GRK3: variants seen among roughly 807,000 people sequenced by gnomAD.
GRK3 encodes the protein adrenergic, beta, receptor kinase 2.
GRK3 carries 54 observed loss-of-function variants against 95.7 expected under a neutral mutation model. The ratio of observed to expected loss-of-function variants is 0.56; its 90% CI spans 0.45 to 0.71. The LOEUF (loss-of-function observed/expected upper bound fraction) is 0.71, where lower values mean the gene tolerates loss of function less well. GRK3 is among the 30% of genes least tolerant of loss of function. GRK3 has a pLI of 0.00. For synonymous variants in GRK3, 281 were observed against 290.8 expected, an observed-to-expected ratio of 0.97 and a Z score of 0.34; for missense variants, 649 against 851.2, an observed-to-expected ratio of 0.76 and a Z score of 2.96.
At chr22:25,658,770 G>T (rs2084890351) in intron 3 of GRK3, among the ~76,000 whole-genome samples, 1 of 152,104 alleles carries the variant, frequency 6.6e-6, no homozygotes, top group Admixed American at 6.6e-5. Context: ...TGGTGGCAGG[G>T]GCGTGGCGAA....
chr22:25,566,932 A>C (rs1931513137), intron 1 of GRK3, among the ~76,000 whole-genome samples: 1 of 151,828 alleles, frequency 6.6e-6, no homozygotes, highest in East Asian at 1.9e-4. Context: ...TATAATATTA[A>C]TAAAGTTAGG....
Position 25,690,292 on chromosome 22 carries a change from T to A in GRK3, c.1052+9T>A, listed in dbSNP as rs1269695802. On this transcript the variant is annotated intron_variant, in intron 12 of 20. Transcript: ENST00000324198. ...AAGCCTCATGCGAGTGTGTAAGTAGTGCGTCAACTTCAGTTCACCACCATT... is the reference window on the plus strand; with the variant it reads ...AAGCCTCATGCGAGTGTGTAAGTAGAGCGTCAACTTCAGTTCACCACCATT... The A allele has an allele frequency of 6.2e-7, 1 of 1,601,874 alleles. No homozygotes were observed. The highest frequency in any genetic ancestry group is 1.1e-5 in the South Asian group (1 of 90,700).
rs541029508 is a variant in GRK3, at chr22:25,705,854, C to T, written c.1328+1645C>T. Among the ~76,000 whole-genome samples the T allele has an allele frequency of 1.1e-4, 16 of 152,262 alleles. No homozygotes were observed. In the East Asian group the frequency reaches 3.1e-3, roughly 29 times the overall value. ...AGAATTCTAAGGAAGTAATAATTTTCCCCCAGAGCTTTGAAACTCTTACTT... is the reference window on the plus strand; with the variant it reads ...AGAATTCTAAGGAAGTAATAATTTTTCCCCAGAGCTTTGAAACTCTTACTT... On this transcript the variant is annotated intron_variant, in intron 15 of 20. Transcript: ENST00000324198.
intron 3 of GRK3, among the ~76,000 whole-genome samples, chr22:25,653,838 G>A (rs1323733114): frequency 2.0e-5 from 3 of 152,082 alleles, no homozygotes; most frequent in Admixed American, 1.3e-4. Context: ...ACAGGCACCC[G>A]CCACCACGCT....
chr22:25,657,413 G>T (rs905480813), intron 3 of GRK3, among the ~76,000 whole-genome samples: 3 of 152,112 alleles, frequency 2.0e-5, no homozygotes, highest in African/African-American at 7.2e-5. Flanking sequence ...CTTTCCATAT[G>T]AAATGTGTCT....
chr22:25,681,484 G>T (rs1435919393), intron 9 of GRK3, among the ~76,000 whole-genome samples: 3 of 152,000 alleles, frequency 2.0e-5, no homozygotes, highest in Admixed American at 6.6e-5. Context: ...CAGATGAGGG[G>T]CCAGGGTCTG....
rs2084767020 is a variant in GRK3 at position 25,644,516 on chromosome 22, T to G, written c.191-76T>G. 5 of 676,484 alleles carry G rather than the reference T, an allele frequency of 7.4e-6. No individual in the cohort carries two copies. The South Asian group carries it at 9.8e-5, about 13-fold the overall frequency. The allele number at this position is 676,484 out of a possible 1,614,324, so 41.9% of individuals were successfully genotyped here. ...AGGAAGAGGTTGAGGTATAAACACATTGCTTTGAAAACACCCTTGTGGGAT... is the reference window on the plus strand; with the variant it reads ...AGGAAGAGGTTGAGGTATAAACACAGTGCTTTGAAAACACCCTTGTGGGAT... On this transcript the variant is annotated intron_variant, in intron 2 of 20. Transcript: ENST00000324198.
chr22:25,712,543 A>G (rs1232101270), intron 17 of GRK3, among the ~76,000 whole-genome samples: 1 of 152,226 alleles, frequency 6.6e-6, no homozygotes, highest in Non-Finnish European at 1.5e-5. Flanking sequence ...AACATTTTTT[A>G]ATGTTAAAAA....
At chr22:25,674,579 T>C (rs2042821817) in intron 8 of GRK3, 51 bp downstream of exon 8, 1 of 1,326,422 alleles carries the variant, frequency 7.5e-7, no homozygotes, top group South Asian at 1.2e-5. Flanking sequence ...AATTTTAATA[T>C]TTGCATGAAA....
At chr22:25,676,668 G>A (rs1258593589) in intron 8 of GRK3, among the ~76,000 whole-genome samples, 2 of 149,488 alleles carry the variant, frequency 1.3e-5, no homozygotes, top group African/African-American at 2.5e-5. Flanking sequence ...TTCAGCCTGA[G>A]TGACAGAGCG....
chr22:25,565,029 A>C lies in GRK3; in HGVS notation c.-12A>C, dbSNP rs1421969427. On this transcript the variant is annotated 5_prime_UTR_variant, in exon 1 of 21. Coordinates refer to ENST00000324198, the MANE Select transcript of GRK3 (RefSeq NM_005160.4). The stretch of plus-strand genomic sequence containing the variant: ...GGAGTAACCGCCGCCGCCGCCGCCA[A>C]AGCTCGCCAACATGGCGGACCTGGA... 3 of 1,402,120 alleles carry C rather than the reference A, an allele frequency of 2.1e-6. No individual in the cohort carries two copies. Among genetic ancestry groups the C allele is most frequent in the Admixed American group, 2.5e-5 (1 of 40,502 alleles). The allele number at this position is 1,402,120 out of a possible 1,614,324, so 86.9% of individuals were successfully genotyped here. A position where few individuals can be genotyped will look rare whatever the true frequency, so the allele number is the denominator to read the frequency against.
chr22:25,658,946 C>A (rs2084891723), intron 3 of GRK3, among the ~76,000 whole-genome samples: 2 of 152,104 alleles, frequency 1.3e-5, no homozygotes, highest in South Asian at 4.2e-4. Context: ...GAGATGCTTT[C>A]TAGATATTCA....
At chr22:25,679,698 G>C (rs1204567070) in intron 9 of GRK3, among the ~76,000 whole-genome samples, 1 of 152,174 alleles carries the variant, frequency 6.6e-6, no homozygotes, top group Non-Finnish European at 1.5e-5. Context: ...GTATGGCTGT[G>C]ACCTGGTGTT....
chr22:25,639,765 A>C (rs1458312396), intron 2 of GRK3, among the ~76,000 whole-genome samples: 3 of 152,216 alleles, frequency 2.0e-5, no homozygotes, highest in African/African-American at 7.2e-5. Flanking sequence ...AAGAATTAAC[A>C]TCTAAGCAAT....
At chr22:25,702,387 A>G (rs890612813) in intron 13 of GRK3, among the ~76,000 whole-genome samples, 1 of 152,182 alleles carries the variant, frequency 6.6e-6, no homozygotes, top group African/African-American at 2.4e-5. Flanking sequence ...AATCCATTTT[A>G]TGGAGTTAAT....
At chr22:25,648,539 G>T (rs2146387486) in intron 3 of GRK3, 2 of 1,451,004 alleles carry the variant, frequency 1.4e-6, no homozygotes, top group East Asian at 2.3e-5. Flanking sequence ...CAGGTACAAT[G>T]ATGCCAGAAG....
chr22:25,612,081 C>T (rs1375931106), intron 2 of GRK3, among the ~76,000 whole-genome samples: 1 of 152,112 alleles, frequency 6.6e-6, no homozygotes, highest in African/African-American at 2.4e-5. Flanking sequence ...AATCCACCCG[C>T]CTCGGCCTCC....
chr22:25,669,536 T>G (rs886925487), intron 6 of GRK3, among the ~76,000 whole-genome samples: 1 of 152,220 alleles, frequency 6.6e-6, no homozygotes, highest in African/African-American at 2.4e-5. Flanking sequence ...CAAGATCCTT[T>G]GAAGTCATTT....
At chr22:25,651,305 T>G (rs1320975303) in intron 3 of GRK3, among the ~76,000 whole-genome samples, 2 of 152,206 alleles carry the variant, frequency 1.3e-5, no homozygotes, top group Non-Finnish European at 2.9e-5. Context: ...TATACTAGGT[T>G]CCTCTATTTT....
Sources: gnomAD v4.1 joint callset for allele counts (sites outside exome capture counted in the v4.1 genomes callset) on GRCh38, gnomAD v4.1.1 for gene constraint, MANE v1.5 for transcripts, NCBI Gene and HGNC (gene_info 2026-07-23, HGNC 2026-07-21) for gene names.